Variants in XPO6 observed in about 807,000 individuals in gnomAD.
The protein encoded by XPO6 is exportin 6, also known as exportin-6.
Under a neutral mutation model 130.0 loss-of-function variants are expected in XPO6, and 3 were observed. That is an observed-to-expected ratio of 0.02 (90% CI 0.01 to 0.06). The LOEUF (loss-of-function observed/expected upper bound fraction) is 0.06. Ranked by LOEUF, XPO6 falls within the 10% of genes least tolerant of loss-of-function variation. The pLI is 1.00. For missense variants in XPO6, 970 were observed against 1,393.0 expected, an observed-to-expected ratio of 0.70 and a Z score of 4.83; for synonymous variants, 524 against 548.9, an observed-to-expected ratio of 0.95 and a Z score of 0.63.
intron 1 of XPO6, 122 bp downstream of exon 1, chr16:28,211,244 C>T (rs2044125587): frequency 1.9e-6 from 2 of 1,063,782 alleles, no homozygotes; most frequent in African/African-American, 3.3e-5. Context: ...TGTCACCGGC[C>T]AGGCTCCGCA....
intron 4 of XPO6, among the ~76,000 whole-genome samples, chr16:28,170,424 C>T (rs903307806): frequency 6.6e-6 from 1 of 150,876 alleles, no homozygotes; most frequent in Admixed American, 6.6e-5. Flanking sequence ...ATTTTATGGA[C>T]AAAATTCTAA....
chr16:28,204,990 A>G (rs1034375782), intron 1 of XPO6, among the ~76,000 whole-genome samples: 1 of 152,100 alleles, frequency 6.6e-6, no homozygotes, highest in African/African-American at 2.4e-5. Context: ...TGAGCCCAGG[A>G]GTTCAAGGCT....
chr16:28,202,493 G>A lies in XPO6; in HGVS notation c.3+8873C>T, dbSNP rs111800309. ...CAATGACAGCTTGATCAAAGCAGAGGGAATGGAGGGAAAGGTCAGGGTCAG... is the reference window on the plus strand; with the variant it reads ...CAATGACAGCTTGATCAAAGCAGAGAGAATGGAGGGAAAGGTCAGGGTCAG... On this transcript the variant is annotated intron_variant, in intron 1 of 23. Transcript: ENST00000304658. 3.5e-3 allele frequency among the ~76,000 whole-genome samples: 540 copies of A among 152,296 alleles called. 5 individuals are homozygous for A. Among genetic ancestry groups the A allele is most frequent in the African/African-American group, 0.013 (522 of 41,550 alleles).
chr16:28,109,177 TA>T (rs1203503883), intron 17 of XPO6, among the ~76,000 whole-genome samples: 1 of 149,948 alleles, frequency 6.7e-6, no homozygotes, highest in African/African-American at 2.5e-5. Context: ...AAGATGTATT[TA>T]AAAAAAATAC....
intron 6 of XPO6, among the ~76,000 whole-genome samples, chr16:28,158,844 G>C (rs1442032808): frequency 6.6e-6 from 1 of 152,070 alleles, no homozygotes; most frequent in Non-Finnish European, 1.5e-5. Flanking sequence ...ATTTTTGAAA[G>C]CACTAGACTA....
In XPO6 at chr16:28,098,224, T is replaced by G. The variant is rs1008621403; in HGVS notation, c.*314A>C. 1.1e-5 allele frequency: 3 copies of G among 266,118 alleles called. No individual in the cohort carries two copies. Among genetic ancestry groups the G allele is most frequent in the Non-Finnish European group, 2.2e-5 (3 of 139,074 alleles). 16.5% of individuals were successfully genotyped at this position (266,118 alleles called of 1,614,324 possible). A position where few individuals can be genotyped will look rare whatever the true frequency, so the allele number is the denominator to read the frequency against. ...TGTCGTGAGCTGTCCTTGGCAATTC[T>G]GCCCCATGAGCCACGTGCGCCTGGT... On this transcript the variant is annotated 3_prime_UTR_variant, in exon 24 of 24. Coordinates refer to ENST00000304658, the MANE Select transcript of XPO6 (RefSeq NM_015171.4).
chr16:28,102,053 T>C, intron 21 of XPO6, 108 bp from the exon 22 acceptor site: 1 of 865,740 alleles, frequency 1.2e-6, no homozygotes, highest in Non-Finnish European at 1.8e-6. Context: ...ATTGTCTTGA[T>C]GCTTCTGGCC....
chr16:28,199,807 G>A (rs945329204), intron 1 of XPO6, among the ~76,000 whole-genome samples: 2 of 151,186 alleles, frequency 1.3e-5, no homozygotes, highest in South Asian at 4.3e-4. Context: ...GCCTCCCAAA[G>A]TGCTAGGATT....
chr16:28,167,263 A>G (rs1567634813), intron 5 of XPO6: 2 of 985,428 alleles, frequency 2.0e-6, no homozygotes, highest in South Asian at 4.7e-5. Flanking sequence ...CTTCCTGGAC[A>G]ATGCTACGTG....
At chr16:28,160,868 T>TA (rs900095031) in intron 6 of XPO6, among the ~76,000 whole-genome samples, 1 of 152,226 alleles carries the variant, frequency 6.6e-6, no homozygotes, top group African/African-American at 2.4e-5. Flanking sequence ...CATGTTAGCA[T>TA]AACATTTTTA....
At chr16:28,186,393 C>CTTTTTTTTTTTTTTTTTTTTT (rs1596952535) in intron 1 of XPO6, among the ~76,000 whole-genome samples, 5 of 4,224 alleles carry the variant, frequency 1.2e-3, no homozygotes, top group Admixed American at 2.9e-3. Context: ...TTTTTTTTTG[C>CTTTTTTTTTTTTTTTTTTTTT]TAAAGACATG....
chr16:28,120,116 A>AT (rs2087193390), intron 14 of XPO6, among the ~76,000 whole-genome samples: 1 of 152,196 alleles, frequency 6.6e-6, no homozygotes, highest in South Asian at 2.1e-4. Flanking sequence ...AAATGCTGGG[A>AT]TTACAGGTAT....
At chr16:28,188,568 GAT>G (rs1338559061) in intron 1 of XPO6, among the ~76,000 whole-genome samples, 1 of 140,404 alleles carries the variant, frequency 7.1e-6, no homozygotes, top group East Asian at 2.2e-4. Flanking sequence ...GATTAGCAAA[GAT>G]ATTCAAACTC....
chr16:28,125,661 C>G, intron 13 of XPO6, 28 bp downstream of exon 13: 2 of 1,604,140 alleles, frequency 1.2e-6, no homozygotes, highest in Non-Finnish European at 1.7e-6. Flanking sequence ...GAAGAAGGAA[C>G]AGCTCCATAA....
chr16:28,109,251 T>C (rs1272740998), intron 17 of XPO6, among the ~76,000 whole-genome samples: 3 of 151,808 alleles, frequency 2.0e-5, no homozygotes, highest in South Asian at 2.1e-4. Flanking sequence ...GTAACTGTTA[T>C]ACTTCCATGA....
Position 28,101,674 on chromosome 16 carries a change from A to G in XPO6, c.3060T>C (p.Thr1020=). The G allele has an allele frequency of 1.9e-6, 3 of 1,607,504 alleles. No homozygotes were observed. Among genetic ancestry groups the G allele is most frequent in the Non-Finnish European group, 2.6e-6 (3 of 1,174,466 alleles). Residue 1020 remains threonine (T), a synonymous_variant, in exon 23 of 24, where the codon ACT becomes ACC. Coordinates refer to ENST00000304658, the MANE Select transcript of XPO6 (RefSeq NM_015171.4). The surrounding 1 kb of genome is among the most constrained non-coding windows in gnomAD (Gnocchi z 5.4). The part of the protein sequence containing the change: ...QKLYHKKIFR[T]AMLFQFVNVL... Reference sequence around the variant, plus strand: ...CGTTCACAAACTGGAACAGCATGGCAGTCCGGAAGATCTTCTGCAGGCAGA... The same window carrying G: ...CGTTCACAAACTGGAACAGCATGGCGGTCCGGAAGATCTTCTGCAGGCAGA...
Position 28,158,297 on chromosome 16 carries a change from C to T in XPO6, c.644-1770G>A, listed in dbSNP as rs115123861. Among the ~76,000 whole-genome samples the T allele has an allele frequency of 9.8e-3, 1,492 of 152,248 alleles. 32 individuals are homozygous for T. Among genetic ancestry groups the T allele is most frequent in the African/African-American group, 0.034 (1,421 of 41,540 alleles). On this transcript the variant is annotated intron_variant, in intron 6 of 23. Coordinates refer to ENST00000304658, the MANE Select transcript of XPO6 (RefSeq NM_015171.4). ...TAAAGGAATACTAAGATGTTCTTTT[C>T]CTTTTTCACTTTCATTATCTCCAAG...
At chr16:28,176,368 A>AC (rs1162445525) in intron 3 of XPO6, among the ~76,000 whole-genome samples, 1 of 152,248 alleles carries the variant, frequency 6.6e-6, no homozygotes, top group Non-Finnish European at 1.5e-5. Context: ...AAATATAATG[A>AC]CAGAAGCAAC....
At chr16:28,188,582 T>C (rs1216288244) in intron 1 of XPO6, among the ~76,000 whole-genome samples, 3 of 146,036 alleles carry the variant, frequency 2.1e-5, no homozygotes, top group Non-Finnish European at 4.5e-5. Flanking sequence ...TTCAAACTCA[T>C]GTAAACTTTC....
Sources: allele counts gnomAD v4.1 joint callset (sites outside exome capture counted in the v4.1 genomes callset), GRCh38; gene constraint gnomAD v4.1.1; non-coding constraint Gnocchi (gnomAD v3.1); transcripts MANE v1.5; gene names NCBI Gene and HGNC (gene_info 2026-07-23, HGNC 2026-07-21).